Variants in HAS1 observed in about 807,000 individuals in gnomAD.
HAS1 encodes hyaluronan synthase 1.
A neutral mutation model predicts 35.0 loss-of-function variants in HAS1; 27 were observed. The ratio of observed to expected loss-of-function variants is 0.77; its 90% CI spans 0.57 to 1.06. The LOEUF is 1.06. Among genes scored for constraint, HAS1 ranks in the 50% least tolerant of loss-of-function variants. The pLI, the probability that HAS1 is intolerant of heterozygous loss-of-function variation, is 0.00. For missense variants in HAS1, 940 were observed against 814.8 expected, an observed-to-expected ratio of 1.15 and a Z score of -1.87; for synonymous variants, 409 against 371.2, an observed-to-expected ratio of 1.10 and a Z score of -1.17.
At position 51,713,844 on chromosome 19, in the gene HAS1, G is replaced by C; in HGVS notation, c.1317C>G (p.Gly439=). ...ALLWVLLCVQ[G]VALAKAAFAA... ...CGAAGGCCGCCTTGGCCAGTGCCAC[G>C]CCCTGCACGCACAGCAGCACCCACA... is the stretch of plus-strand genomic sequence containing the variant. The change falls in exon 5 of 5, where the codon GGC becomes GGG. Residue 439 remains glycine (G), a synonymous_variant. Coordinates refer to ENST00000540069, the MANE Select transcript of HAS1 (RefSeq NM_001297436.2). The surrounding 1 kb of genome is among the most constrained non-coding windows in gnomAD (Gnocchi z 4.5). 1 of 1,607,050 alleles carries C rather than the reference G, an allele frequency of 6.2e-7. No homozygotes were observed.
rs564081864 is a variant in HAS1, at chr19:51,715,461, C to T, written c.1058+795G>A. ...AAACTTCCTATCCACCACCCTTGCC[C>T]GGCATTATTTATCTCCATAACACAT... On this transcript the variant is annotated intron_variant, in intron 4 of 4. Transcript: ENST00000540069. Among the ~76,000 whole-genome samples the T allele has an allele frequency of 5.3e-5, 8 of 152,252 alleles. No homozygotes were observed. The South Asian group carries it at 6.2e-4, about 12-fold the overall frequency.
Position 51,713,155 on chromosome 19 carries a change from A to G in HAS1, c.*272T>C. 2.4e-6 allele frequency: 1 copy of G among 408,918 alleles called. No individual in the cohort carries two copies. Among genetic ancestry groups the G allele is most frequent in the Admixed American group, 4.3e-5 (1 of 23,166 alleles). The allele number at this position is 408,918 out of a possible 1,614,324, so 25.3% of individuals were successfully genotyped here. Reference sequence around the variant, plus strand: ...TTATTACATCCTGATCACACAGTAGAAATGGAGATTAAATAAGAACGAGGA... The same window carrying G: ...TTATTACATCCTGATCACACAGTAGGAATGGAGATTAAATAAGAACGAGGA... On this transcript the variant is annotated 3_prime_UTR_variant, in exon 5 of 5. Coordinates refer to ENST00000540069, the MANE Select transcript of HAS1 (RefSeq NM_001297436.2). The surrounding 1 kb of genome is among the most constrained non-coding windows in gnomAD (Gnocchi z 4.5).
chr19:51,714,891 T>C (rs2083576485), intron 4 of HAS1, among the ~76,000 whole-genome samples: 2 of 152,104 alleles, frequency 1.3e-5, no homozygotes. Context: ...TTACTAATAC[T>C]ATCACTAACA....
chr19:51,722,182 A>G (rs2083636012), intron 1 of HAS1, among the ~76,000 whole-genome samples: 1 of 152,206 alleles, frequency 6.6e-6, no homozygotes, highest in Non-Finnish European at 1.5e-5. Flanking sequence ...GTGTCTACCG[A>G]GTACTTGAAA....
chr19:51,722,253 T>G (rs903582798), intron 1 of HAS1, among the ~76,000 whole-genome samples: 1 of 152,234 alleles, frequency 6.6e-6, no homozygotes, highest in African/African-American at 2.4e-5. Flanking sequence ...TTCATTTAAA[T>G]TTAAAAACTC....
Position 51,714,086 on chromosome 19 carries a change from G to A in HAS1, c.1075C>T (p.Arg359Cys), listed in dbSNP as rs753002573. 3.7e-6 allele frequency: 6 copies of A among 1,612,312 alleles called. No homozygotes were observed. In the South Asian group the frequency reaches 5.5e-5, roughly 15 times the overall value. Reference sequence around the variant, plus strand: ...GACGAGGGCGTCTCTGAGTAGCAGCGGGACCTGGAGGTGTACCTGCACGGG... The same window carrying A: ...GACGAGGGCGTCTCTGAGTAGCAGCAGGACCTGGAGGTGTACCTGCACGGG... ...GYATKYTSRS[R>C]CYSETPSSFL... Residue 359 changes from arginine to cysteine, a missense_variant, in exon 5 of 5, where the codon CGC becomes TGC. Transcript: ENST00000540069.
chr19:51,715,158 C>T (rs2083578532), intron 4 of HAS1, among the ~76,000 whole-genome samples: 1 of 152,136 alleles, frequency 6.6e-6, no homozygotes, highest in Non-Finnish European at 1.5e-5. Context: ...CCTCAGTGGC[C>T]TCCCTGCTTC....
intron 4 of HAS1, among the ~76,000 whole-genome samples, chr19:51,714,384 A>AAAT (rs2083570405): frequency 6.6e-6 from 1 of 151,118 alleles, no homozygotes; most frequent in Admixed American, 6.6e-5. Flanking sequence ...ATAAATAAAT[A>AAAT]AATAAATAAA....
At chr19:51,715,921 C>T (rs1451922232) in intron 4 of HAS1, among the ~76,000 whole-genome samples, 3 of 152,152 alleles carry the variant, frequency 2.0e-5, no homozygotes, top group Admixed American at 1.3e-4. Context: ...ATGACAGAAC[C>T]AACTCACCCT....
chr19:51,714,644 T>C (rs1355666542), intron 4 of HAS1, among the ~76,000 whole-genome samples: 1 of 131,916 alleles, frequency 7.6e-6, no homozygotes, highest in Non-Finnish European at 1.5e-5. Context: ...TGAGCCATGA[T>C]CGTGCCCCTG....
At position 51,717,120 on chromosome 19, in the gene HAS1, C is replaced by A; in HGVS notation, c.773G>T (p.Arg258Leu). ...CACGTCCCCACCAACAGCCCCTACCCGGGGGTCCTCGTCCAGTACCCGCAC... is the reference window on the plus strand; with the variant it reads ...CACGTCCCCACCAACAGCCCCTACCAGGGGGTCCTCGTCCAGTACCCGCAC... ...ELVRVLDEDP[R>L]VGAVGGDVRI... The change falls in exon 3 of 5, where the codon CGG becomes CTG. Residue 258 changes from arginine (R) to leucine (L), a missense_variant. Physicochemically the swap from Arg to Leu is moderately radical, Grantham distance 102 (BLOSUM62 -2). Coordinates refer to ENST00000540069, the MANE Select transcript of HAS1 (RefSeq NM_001297436.2). The A allele has an allele frequency of 6.2e-7, 1 of 1,613,992 alleles. No homozygotes were observed.
rs774791350 is a variant in HAS1, at chr19:51,713,825, C to T, written c.1336G>A (p.Ala446Thr). 6 of 1,606,364 alleles carry T rather than the reference C, an allele frequency of 3.7e-6. No individual in the cohort carries two copies. The highest frequency in any genetic ancestry group is 5.1e-6 in the Non-Finnish European group (6 of 1,178,198). ...CAGCCCCGCAGCCAGGCCGCGAAGGCCGCCTTGGCCAGTGCCACGCCCTGC... is the reference window on the plus strand; with the variant it reads ...CAGCCCCGCAGCCAGGCCGCGAAGGTCGCCTTGGCCAGTGCCACGCCCTGC... ...CVQGVALAKA[A>T]FAAWLRGCLR... The change falls in exon 5 of 5, where the codon GCC (alanine) becomes ACC (threonine). Residue 446 changes from alanine (A) to threonine (T), a missense_variant. Transcript: ENST00000540069. The surrounding 1 kb of genome is among the most constrained non-coding windows in gnomAD (Gnocchi z 4.5).
rs1358547976 is a variant in HAS1, at chr19:51,713,761, T to C, written c.1400A>G (p.Tyr467Cys). The C allele has an allele frequency of 1.2e-6, 2 of 1,605,658 alleles. No homozygotes were observed. The highest frequency in any genetic ancestry group is 1.7e-5 in the Admixed American group (1 of 58,780). Residue 467 changes from tyrosine to cysteine, a missense_variant, in exon 5 of 5, where the codon TAC becomes TGC. By Grantham distance (194) the Tyr-to-Cys change is radical. Transcript: ENST00000540069. This position sits in a 1 kb window ranked among gnomAD's most constrained non-coding sequence, Gnocchi z 4.5. ...MVLLSLYAPL[Y>C]MCGLLPAKFL... is the part of the protein sequence containing the mutation. Reference sequence around the variant, plus strand: ...CTTGGCAGGCAGGAGGCCACACATGTAGAGGGGCGCGTAGAGCGACAGAAG... The same window carrying C: ...CTTGGCAGGCAGGAGGCCACACATGCAGAGGGGCGCGTAGAGCGACAGAAG...
At chr19:51,721,495 G>T (rs1022553981) in intron 1 of HAS1, among the ~76,000 whole-genome samples, 1 of 152,098 alleles carries the variant, frequency 6.6e-6, no homozygotes, top group African/African-American at 2.4e-5. Context: ...TTGAGACAGG[G>T]AGCCAGAAAC....
chr19:51,723,884 T>TACAC (rs58597876), intron 1 of HAS1, 41 bp downstream of exon 1: 232,512 of 1,204,182 alleles, frequency 0.19, 6,023 homozygotes, highest in African/African-American at 0.28. Flanking sequence ...CATGGCTGTA[T>TACAC]ACACACACAC....
intron 4 of HAS1, among the ~76,000 whole-genome samples, chr19:51,715,096 C>A (rs1723367979): frequency 6.6e-6 from 1 of 152,098 alleles, no homozygotes; most frequent in Admixed American, 6.6e-5. Flanking sequence ...AGAGGAGAAT[C>A]CTGGGCATTA....
At chr19:51,723,502 A>G (rs1000217056) in intron 1 of HAS1, among the ~76,000 whole-genome samples, 2 of 152,218 alleles carry the variant, frequency 1.3e-5, no homozygotes, top group African/African-American at 4.8e-5. Flanking sequence ...CTTAATAGCT[A>G]TTGAACGCAT....
At chr19:51,722,743 TA>T (rs2083639511) in intron 1 of HAS1, among the ~76,000 whole-genome samples, 1 of 152,156 alleles carries the variant, frequency 6.6e-6, no homozygotes, top group African/African-American at 2.4e-5. Context: ...CGAAGTTGAG[TA>T]CTTTCAAAAG....
rs1405427017 is a variant in HAS1, at chr19:51,713,479, CCCACCCAGTACAGCGTCAACATGG to C, written c.1658_1681del (p.Ala553_Val560del). On this transcript the variant is annotated inframe_deletion, in exon 5 of 5. Transcript: ENST00000540069. The surrounding 1 kb of genome is among the most constrained non-coding windows in gnomAD (Gnocchi z 4.5). ...CCGCCGCCGGCAAAGCCTCCGCACG[CCCACCCAGTACAGCGTCAACATGG>C]CCACCCAGTAGCCCACGTAGGCGCC... 12 of 1,581,360 alleles carry C rather than the reference CCCACCCAGTACAGCGTCAACATGG, an allele frequency of 7.6e-6. No individual in the cohort carries two copies. The African/African-American group carries it at 1.2e-4, about 16-fold the overall frequency.
Sources: gnomAD v4.1 joint callset for allele counts (sites outside exome capture counted in the v4.1 genomes callset) on GRCh38, gnomAD v4.1.1 for gene constraint, Gnocchi (gnomAD v3.1) non-coding constraint, MANE v1.5 for transcripts, NCBI Gene and HGNC (gene_info 2026-07-23, HGNC 2026-07-21) for gene names.